ARHGAP6: variants seen among roughly 807,000 people sequenced by gnomAD.
ARHGAP6 encodes Rho GTPase activating protein 6, also known as rho GTPase-activating protein 6.
ARHGAP6 carries 16 observed loss-of-function variants against 55.7 expected under a neutral mutation model. That is an observed-to-expected ratio of 0.29 (90% CI 0.19 to 0.44). The LOEUF is 0.44. Ranked by LOEUF, ARHGAP6 falls within the 20% of genes least tolerant of loss-of-function variation. ARHGAP6 has a pLI of 1.00. For missense variants in ARHGAP6, 698 were observed against 808.9 expected (o/e 0.86, Z 1.66); for synonymous variants, 382 against 360.9 (o/e 1.06, Z -0.66).
At chrX:11,238,280 G>A (rs1158638244) in intron 2 of ARHGAP6, among the ~76,000 whole-genome samples, 1 of 112,336 alleles carries the variant, frequency 8.9e-6, no homozygotes, top group Non-Finnish European at 1.9e-5. Context: ...TTTAATTTAC[G>A]AAGAAATGGG....
chrX:11,230,196 T>C (rs1447738414), intron 2 of ARHGAP6, among the ~76,000 whole-genome samples: 2 of 111,625 alleles, frequency 1.8e-5, no homozygotes, highest in African/African-American at 6.5e-5. Flanking sequence ...TGATTTATTT[T>C]TATTTTTATT....
chrX:11,354,327 C>CTATATATATATATATATATA (rs1174449401), intron 1 of ARHGAP6, among the ~76,000 whole-genome samples: 2 of 32,350 alleles, frequency 6.2e-5, no homozygotes, highest in African/African-American at 1.3e-4. Context: ...CTCTCTCTCT[C>CTATATATATATATATATATA]TATATATATA....
intron 1 of ARHGAP6, among the ~76,000 whole-genome samples, chrX:11,337,909 A>G (rs911426562): frequency 8.9e-6 from 1 of 112,073 alleles, no homozygotes; most frequent in African/African-American, 3.2e-5. Context: ...TTTGTGTTCC[A>G]TTAAAATATG....
chrX:11,526,372 GT>G (rs778602944), intron 1 of ARHGAP6, among the ~76,000 whole-genome samples: 61 of 111,793 alleles, frequency 5.5e-4, no homozygotes, highest in Non-Finnish European at 1.1e-3. Flanking sequence ...GTAGGGAGAG[GT>G]GGCAGAGAAA....
chrX:11,354,327 C>CTCTATA (rs1343744315), intron 1 of ARHGAP6, among the ~76,000 whole-genome samples: 156 of 32,344 alleles, frequency 4.8e-3, no homozygotes, highest in Non-Finnish European at 6.5e-3. Flanking sequence ...CTCTCTCTCT[C>CTCTATA]TATATATATA....
At chrX:11,180,919 A>G (rs1404264573) in intron 6 of ARHGAP6, among the ~76,000 whole-genome samples, 3 of 112,652 alleles carry the variant, frequency 2.7e-5, no homozygotes, top group Non-Finnish European at 5.6e-5. Context: ...AGAATGGAAC[A>G]TGCAAAGAGT....
chrX:11,296,329 T>A (rs2048083262), intron 1 of ARHGAP6, among the ~76,000 whole-genome samples: 1 of 112,401 alleles, frequency 8.9e-6, no homozygotes, highest in African/African-American at 3.2e-5. Context: ...TCTCTCCTTG[T>A]TGATATTTCT....
At chrX:11,540,982 C>T (rs1207961006) in intron 1 of ARHGAP6, among the ~76,000 whole-genome samples, 1 of 112,527 alleles carries the variant, frequency 8.9e-6, no homozygotes, top group African/African-American at 3.2e-5. Flanking sequence ...AAAACAGCGT[C>T]CAGCTGTACT....
chrX:11,456,362 G>A (rs955674053), intron 1 of ARHGAP6, among the ~76,000 whole-genome samples: 17 of 111,068 alleles, frequency 1.5e-4, no homozygotes, highest in Admixed American at 9.6e-4. Context: ...CTAAGGAAAG[G>A]GTCCAAGTGT....
intron 1 of ARHGAP6, among the ~76,000 whole-genome samples, chrX:11,630,301 T>C (rs1018364509): frequency 4.5e-5 from 5 of 112,040 alleles, no homozygotes; most frequent in African/African-American, 1.6e-4. Context: ...AATCTGATTA[T>C]AACCTCTTCA....
intron 10 of ARHGAP6, among the ~76,000 whole-genome samples, chrX:11,148,933 A>G (rs1216896097): frequency 8.9e-6 from 1 of 112,262 alleles, no homozygotes; most frequent in Non-Finnish European, 1.9e-5. Context: ...AAAGGAATCC[A>G]CTGCTGGAGC....
In ARHGAP6 at chrX:11,567,652, G is replaced by A. The variant is rs1199671803; in HGVS notation, c.588+96589C>T. 3.7e-5 allele frequency among the ~76,000 whole-genome samples: 4 copies of A among 107,765 alleles called. No individual in the cohort carries two copies. In the Admixed American group the frequency reaches 4.0e-4, roughly 11 times the overall value. 93.6% of individuals were successfully genotyped at this position (107,765 alleles called of 115,157 possible). A position where few individuals can be genotyped will look rare whatever the true frequency, so the allele number is the denominator to read the frequency against. On this transcript the variant is annotated intron_variant, in intron 1 of 12. Transcript: ENST00000337414. Reference sequence around the variant, plus strand: ...TTTTTGCCAAATCCCCATCCAACCAGCTGCTTGTTTTCTTTTCTTTTCTTT... The same window carrying A: ...TTTTTGCCAAATCCCCATCCAACCAACTGCTTGTTTTCTTTTCTTTTCTTT...
chrX:11,635,506 T>C (rs2052408439), intron 1 of ARHGAP6, among the ~76,000 whole-genome samples: 1 of 111,710 alleles, frequency 9.0e-6, no homozygotes, highest in Non-Finnish European at 1.9e-5. Context: ...ATGCTACAAT[T>C]AAGATATTCT....
At chrX:11,309,991 A>T (rs2048278492) in intron 1 of ARHGAP6, among the ~76,000 whole-genome samples, 1 of 109,109 alleles carries the variant, frequency 9.2e-6, no homozygotes, top group African/African-American at 3.3e-5. Context: ...GTCTGTACAA[A>T]AATTAAAATA....
intron 1 of ARHGAP6, among the ~76,000 whole-genome samples, chrX:11,411,361 T>C (rs944444426): frequency 3.8e-5 from 4 of 106,499 alleles, no homozygotes; most frequent in South Asian, 4.2e-4. Context: ...TTTGGTATAA[T>C]TGATACAGCA....
At chrX:11,596,516 T>A (rs1434629243) in intron 1 of ARHGAP6, among the ~76,000 whole-genome samples, 1 of 111,344 alleles carries the variant, frequency 9.0e-6, no homozygotes, top group Non-Finnish European at 1.9e-5. Context: ...GGAACGTGTA[T>A]ACCTATGTAA....
intron 1 of ARHGAP6, among the ~76,000 whole-genome samples, chrX:11,549,231 T>G (rs1383490814): frequency 9.0e-6 from 1 of 111,730 alleles, no homozygotes; most frequent in Non-Finnish European, 1.9e-5. Context: ...CCATAAAAAT[T>G]GTATGGCTAA....
At chrX:11,400,754 T>C (rs2049538673) in intron 1 of ARHGAP6, among the ~76,000 whole-genome samples, 1 of 112,172 alleles carries the variant, frequency 8.9e-6, no homozygotes, top group Non-Finnish European at 1.9e-5. Context: ...TAACCTAGCA[T>C]GAACTATCAC....
At chrX:11,636,451 A>T (rs2052421070) in intron 1 of ARHGAP6, among the ~76,000 whole-genome samples, 1 of 111,369 alleles carries the variant, frequency 9.0e-6, no homozygotes, top group African/African-American at 3.3e-5. Flanking sequence ...GCACTTTTTC[A>T]TATTATTTTC....
Sources: gnomAD v4.1 joint callset for allele counts (sites outside exome capture counted in the v4.1 genomes callset) on GRCh38, gnomAD v4.1.1 for gene constraint, MANE v1.5 for transcripts, NCBI Gene and HGNC (gene_info 2026-07-23, HGNC 2026-07-21) for gene names.